RFTN1: variants seen among roughly 807,000 people sequenced by gnomAD.
RFTN1 encodes the protein raftlin, lipid raft linker 1, also known as raftlin.
In RFTN1, 26 loss-of-function variants were observed where a neutral mutation model predicts 46.5. The ratio of observed to expected loss-of-function variants is 0.56; its 90% CI spans 0.41 to 0.78. The LOEUF (loss-of-function observed/expected upper bound fraction) is 0.78, where lower values mean the gene tolerates loss of function less well. Ranked by LOEUF, RFTN1 falls within the 30% of genes least tolerant of loss-of-function variation. The probability of loss-of-function intolerance (pLI) is 0.00; values close to 1 mark genes in which losing one functional copy is unlikely to be tolerated. For synonymous variants in RFTN1, 261 were observed against 284.2 expected (o/e 0.92, Z 0.82); for missense variants, 693 against 718.7 (o/e 0.96, Z 0.41).
In RFTN1 at chr3:16,413,493, T is replaced by C. The variant is rs2075013271; in HGVS notation, c.333-4010A>G. 6.6e-6 allele frequency among the ~76,000 whole-genome samples: 1 copy of C among 152,246 alleles called. No individual in the cohort carries two copies. Among genetic ancestry groups the C allele is most frequent in the Non-Finnish European group, 1.5e-5 (1 of 68,040 alleles). ...ACCAGGTATGCTCCCCAAAGGGCCA[T>C]GTCATTGTATCATCCTGGAAAAGAA... On this transcript the variant is annotated intron_variant, in intron 3 of 9. Transcript: ENST00000334133. The surrounding 1 kb of genome is among the most constrained non-coding windows in gnomAD (Gnocchi z 4.7).
At position 16,438,585 on chromosome 3, in the gene RFTN1, CAAAAAAAAAAAAAAAA is replaced by C. The variant is rs61019061; in HGVS notation, c.146-4564_146-4549del. Among the ~76,000 whole-genome samples the C allele has an allele frequency of 3.6e-4, 11 of 30,474 alleles. 1 individual carries two copies. Among genetic ancestry groups the C allele is most frequent in the South Asian group, 2.7e-3 (1 of 372 alleles). The allele number at this position is 30,474 out of a possible 152,430, so 20.0% of individuals were successfully genotyped here. On this transcript the variant is annotated intron_variant, in intron 2 of 9. Coordinates refer to ENST00000334133, the MANE Select transcript of RFTN1 (RefSeq NM_015150.2). ...GGGAGACAGAGTAAGAACTCTGTCT[CAAAAAAAAAAAAAAAA>C]AAAAAAAAAAAAAAAAAGAAGACAG...
intron 5 of RFTN1, 95 bp downstream of exon 5, chr3:16,377,623 T>G: frequency 2.0e-6 from 3 of 1,503,828 alleles, no homozygotes; most frequent in Non-Finnish European, 2.7e-6. Context: ...ACACTCTAAA[T>G]TCCATTCCTT....
At chr3:16,412,110 A>G (rs1203553882) in intron 3 of RFTN1, among the ~76,000 whole-genome samples, 4 of 152,260 alleles carry the variant, frequency 2.6e-5, no homozygotes, top group African/African-American at 7.2e-5. Flanking sequence ...AAAGATCAAG[A>G]AAAATAGGCA....
rs1236823921 is a variant in RFTN1, at chr3:16,452,349, G to A, written c.146-18312C>T. Among the ~76,000 whole-genome samples, 1 of 152,184 alleles carries A rather than the reference G, an allele frequency of 6.6e-6. No homozygotes were observed. Among genetic ancestry groups the A allele is most frequent in the Non-Finnish European group, 1.5e-5 (1 of 68,032 alleles). On this transcript the variant is annotated intron_variant, in intron 2 of 9. Transcript: ENST00000334133. The surrounding 1 kb of genome is among the most constrained non-coding windows in gnomAD (Gnocchi z 6.3). ...GCGAAGGGAAAAGTAATTTTAAAAT[G>A]TGCGGGGTTACATTCAGATACCTTT...
At position 16,493,659 on chromosome 3, in the gene RFTN1, C is replaced by G. The variant is rs557468831; in HGVS notation, c.145+66G>C. The G allele has an allele frequency of 5.2e-6, 7 of 1,356,848 alleles. No homozygotes were observed. The South Asian group carries it at 8.1e-5, about 16-fold the overall frequency. 84.1% of individuals were successfully genotyped at this position (1,356,848 alleles called of 1,614,324 possible). On this transcript the variant is annotated intron_variant, in intron 2 of 9. Coordinates refer to ENST00000334133, the MANE Select transcript of RFTN1 (RefSeq NM_015150.2). ...CCCATCCAGCTCTCCAACTGCACCC[C>G]CATCCCCTGCAGGCCCCTGCTGGAG...
chr3:16,349,229 G>A (rs2071931416), intron 7 of RFTN1: 1 of 152,258 alleles, frequency 6.6e-6, no homozygotes, highest in Non-Finnish European at 1.5e-5. Context: ...AATTTCAGAG[G>A]CTCAGAGGAA....
intron 6 of RFTN1, among the ~76,000 whole-genome samples, chr3:16,359,211 C>G (rs2072673698): frequency 6.6e-6 from 1 of 152,070 alleles, no homozygotes. Flanking sequence ...AAGCTAGGCT[C>G]TATCATGAAA....
At chr3:16,350,507 TA>T (rs1244241570) in intron 7 of RFTN1, among the ~76,000 whole-genome samples, 11 of 144,228 alleles carry the variant, frequency 7.6e-5, no homozygotes, top group Admixed American at 6.9e-4. Flanking sequence ...TTTTTTTTTT[TA>T]AAGGAAAAGG....
In RFTN1 at chr3:16,405,529, C is replaced by A. The variant is rs1254347424; in HGVS notation, c.441+3846G>T. 7.2e-5 allele frequency among the ~76,000 whole-genome samples: 11 copies of A among 152,140 alleles called. 1 individual carries two copies. Among genetic ancestry groups the A allele is most frequent in the Admixed American group, 7.2e-4 (11 of 15,276 alleles). On this transcript the variant is annotated intron_variant, in intron 4 of 9. Transcript: ENST00000334133. Reference sequence around the variant, plus strand: ...ATCATCATCTTTACACAACTCCCTTCACACTCTGAAAAGTCATGATGGAGA... The same window carrying A: ...ATCATCATCTTTACACAACTCCCTTAACACTCTGAAAAGTCATGATGGAGA...
intron 1 of RFTN1, among the ~76,000 whole-genome samples, chr3:16,502,692 G>T (rs2076732415): frequency 6.6e-6 from 1 of 152,224 alleles, no homozygotes; most frequent in Non-Finnish European, 1.5e-5. Flanking sequence ...GGGCAACGAG[G>T]CCTCCTGCCA....
At position 16,442,267 on chromosome 3, in the gene RFTN1, G is replaced by A. The variant is rs73144402; in HGVS notation, c.146-8230C>T. 0.018 allele frequency among the ~76,000 whole-genome samples: 2,715 copies of A among 152,080 alleles called. 84 individuals carry two copies. The highest frequency in any genetic ancestry group is 0.061 in the African/African-American group (2,529 of 41,464). On this transcript the variant is annotated intron_variant, in intron 2 of 9. Transcript: ENST00000334133. The surrounding 1 kb of genome is among the most constrained non-coding windows in gnomAD (Gnocchi z 4.1). ...ATTTTAAAGTGAACTATTTGGTGGC[G>A]TTTAGTATCTTCATGATGTTGCACA...
intron 2 of RFTN1, among the ~76,000 whole-genome samples, chr3:16,470,837 A>G (rs955652424): frequency 2.6e-5 from 4 of 152,242 alleles, no homozygotes; most frequent in Non-Finnish European, 5.9e-5. Flanking sequence ...GTCATAAAAA[A>G]TGTTACCCAT....
At chr3:16,372,852 A>G (rs190133483) in intron 5 of RFTN1, among the ~76,000 whole-genome samples, 13 of 152,350 alleles carry the variant, frequency 8.5e-5, no homozygotes, top group Non-Finnish European at 4.4e-5. Context: ...CAGGAAAAGG[A>G]AACAGTGTTG....
rs768955093 is a variant in RFTN1, at chr3:16,317,115, G to T, written c.1450C>A (p.Gln484Lys). Residue 484 changes from glutamine (Q) to lysine (K), a missense_variant, in exon 10 of 10, where the codon CAG becomes AAG. By Grantham distance (53) the Gln-to-Lys change is moderately conservative (BLOSUM62 1). Coordinates refer to ENST00000334133, the MANE Select transcript of RFTN1 (RefSeq NM_015150.2). This position sits in a 1 kb window ranked among gnomAD's most constrained non-coding sequence, Gnocchi z 4.3. ...CCCATGTCTCCAGCTTTGGAAGACT[G>T]GTCTTCTAAGTTCTTCTCATTTTCT... ...AEENEKNLED[Q>K]SSKAGDMGNC... 1.5e-5 allele frequency: 25 copies of T among 1,613,636 alleles called. No homozygotes were observed. The highest frequency in any genetic ancestry group is 1.9e-5 in the Non-Finnish European group (23 of 1,179,986).
Position 16,447,951 on chromosome 3 carries a change from A to G in RFTN1, c.146-13914T>C, listed in dbSNP as rs1243383591. Among the ~76,000 whole-genome samples, 1 of 152,034 alleles carries G rather than the reference A, an allele frequency of 6.6e-6. No homozygotes were observed. Among genetic ancestry groups the G allele is most frequent in the African/African-American group, 2.4e-5 (1 of 41,390 alleles). ...ATCTTTAGATTTTCTCTAATGTATT[A>G]TTTCTTCCCTCTCTTCCTCTCTCCT... On this transcript the variant is annotated intron_variant, in intron 2 of 9. Coordinates refer to ENST00000334133, the MANE Select transcript of RFTN1 (RefSeq NM_015150.2). This position sits in a 1 kb window ranked among gnomAD's most constrained non-coding sequence, Gnocchi z 5.9.
At chr3:16,488,981 A>C (rs894195299) in intron 2 of RFTN1, among the ~76,000 whole-genome samples, 2 of 152,284 alleles carry the variant, frequency 1.3e-5, no homozygotes, top group Admixed American at 6.5e-5. Flanking sequence ...AAACAACAGA[A>C]TACTACTCAG....
rs1303586427 is a variant in RFTN1 at position 16,338,203 on chromosome 3, C to A, written c.1147-11327G>T. On this transcript the variant is annotated intron_variant, in intron 7 of 9. Transcript: ENST00000334133. The surrounding 1 kb of genome is among the most constrained non-coding windows in gnomAD (Gnocchi z 5.3). ...AGAAAGGGGCTACGGGATGGAAGGG[C>A]AGGAGATGGCATGCATCCTTATTAT... Among the ~76,000 whole-genome samples, 1 of 152,220 alleles carries A rather than the reference C, an allele frequency of 6.6e-6. No homozygotes were observed. The highest frequency in any genetic ancestry group is 1.9e-4 in the East Asian group (1 of 5,202).
chr3:16,381,800 C>G lies in RFTN1; in HGVS notation c.442-3698G>C, dbSNP rs2074002546. 6.6e-6 allele frequency among the ~76,000 whole-genome samples: 1 copy of G among 152,110 alleles called. No homozygotes were observed. The highest frequency in any genetic ancestry group is 2.1e-4 in the South Asian group (1 of 4,824). On this transcript the variant is annotated intron_variant, in intron 4 of 9. Coordinates refer to ENST00000334133, the MANE Select transcript of RFTN1 (RefSeq NM_015150.2). The surrounding 1 kb of genome is among the most constrained non-coding windows in gnomAD (Gnocchi z 4.2). ...AACCAAGAGGAGCCCAGAAATGAAG[C>G]TTGACTAGACATGACAAGGACCGGA...
chr3:16,481,540 C>T lies in RFTN1; in HGVS notation c.145+12185G>A, dbSNP rs1220657380. Among the ~76,000 whole-genome samples the T allele has an allele frequency of 3.3e-5, 5 of 152,028 alleles. No individual in the cohort carries two copies. The highest frequency in any genetic ancestry group is 9.7e-5 in the African/African-American group (4 of 41,368). ...ACCAACTCTTAGCAATTATAGAAACCGGAAACAAAAATGAAACACAAGTAG... is the reference window on the plus strand; with the variant it reads ...ACCAACTCTTAGCAATTATAGAAACTGGAAACAAAAATGAAACACAAGTAG... On this transcript the variant is annotated intron_variant, in intron 2 of 9. Transcript: ENST00000334133. The surrounding 1 kb of genome is among the most constrained non-coding windows in gnomAD (Gnocchi z 5.1).
Sources: allele counts gnomAD v4.1 joint callset (sites outside exome capture counted in the v4.1 genomes callset), GRCh38; gene constraint gnomAD v4.1.1; non-coding constraint Gnocchi (gnomAD v3.1); transcripts MANE v1.5; gene names NCBI Gene and HGNC (gene_info 2026-07-23, HGNC 2026-07-21).